LRP11: variants seen among roughly 807,000 people sequenced by gnomAD.
The protein encoded by LRP11 is LDL receptor related protein 11, also known as low-density lipoprotein receptor-related protein 11.
In LRP11, 25 loss-of-function variants were observed where a neutral mutation model predicts 43.1. The ratio of observed to expected loss-of-function variants is 0.58; its 90% CI spans 0.42 to 0.81. The LOEUF (loss-of-function observed/expected upper bound fraction) is 0.81, where lower values mean the gene tolerates loss of function less well. Ranked by LOEUF, LRP11 falls within the 30% of genes least tolerant of loss-of-function variation. The pLI is 0.00. For synonymous variants in LRP11, 316 were observed against 299.4 expected (o/e 1.06, Z -0.57); for missense variants, 623 against 665.1 (o/e 0.94, Z 0.70).
intron 1 of LRP11, among the ~76,000 whole-genome samples, chr6:149,861,560 C>A (rs1776895478): frequency 6.6e-6 from 1 of 152,228 alleles, no homozygotes; most frequent in Admixed American, 6.5e-5. Context: ...GTTGCCCAGG[C>A]TGGAGTGCAG....
At chr6:149,862,581 T>C (rs1186233701) in intron 1 of LRP11, among the ~76,000 whole-genome samples, 2 of 146,852 alleles carry the variant, frequency 1.4e-5, no homozygotes, top group Non-Finnish European at 3.0e-5. Flanking sequence ...CTTTTCCTTT[T>C]TTTTTTTTTT....
intron 5 of LRP11, among the ~76,000 whole-genome samples, chr6:149,828,936 AT>A (rs903190277): frequency 1.1e-4 from 16 of 152,242 alleles, no homozygotes; most frequent in South Asian, 2.1e-4. Flanking sequence ...ATAATGCCTG[AT>A]TTTTTCAAAT....
At chr6:149,853,253 G>T in intron 1 of LRP11, 93 bp from the exon 2 acceptor site, 1 of 923,164 alleles carries the variant, frequency 1.1e-6, no homozygotes, top group Non-Finnish European at 1.6e-6. Flanking sequence ...ATATGATTCG[G>T]CAAATAACTG....
chr6:149,849,909 A>T (rs1180713671), intron 2 of LRP11, among the ~76,000 whole-genome samples: 3 of 152,188 alleles, frequency 2.0e-5, no homozygotes, highest in Admixed American at 2.0e-4. Context: ...TGTCTGGGTC[A>T]CTTGGACATG....
chr6:149,857,568 T>C (rs914005208), intron 1 of LRP11, among the ~76,000 whole-genome samples: 7 of 151,496 alleles, frequency 4.6e-5, no homozygotes, highest in African/African-American at 1.7e-4. Flanking sequence ...AATAAGCCCC[T>C]TTCTTGCCTG....
intron 6 of LRP11, among the ~76,000 whole-genome samples, chr6:149,825,609 A>T (rs529708517): frequency 6.6e-6 from 1 of 152,156 alleles, no homozygotes; most frequent in South Asian, 2.1e-4. Flanking sequence ...AGATCCAGAG[A>T]GATAAGATAG....
intron 1 of LRP11, among the ~76,000 whole-genome samples, chr6:149,859,376 T>TGA: frequency 4.6e-5 from 4 of 86,850 alleles, no homozygotes; most frequent in Admixed American, 1.4e-4. Flanking sequence ...TCTTGCTGAC[T>TGA]CATATATATA....
chr6:149,837,240 G>T, intron 4 of LRP11, 98 bp downstream of exon 4: 2 of 1,326,644 alleles, frequency 1.5e-6, no homozygotes, highest in Non-Finnish European at 1.0e-6. Flanking sequence ...AAATCAAGCA[G>T]GGGAAGGACA....
At chr6:149,839,328 C>T (rs1303265247) in intron 3 of LRP11, among the ~76,000 whole-genome samples, 3 of 152,040 alleles carry the variant, frequency 2.0e-5, no homozygotes, top group African/African-American at 4.8e-5. Context: ...GATAGAAGCT[C>T]CTGCGGAAGA....
At chr6:149,841,928 A>T (rs1056330653) in intron 3 of LRP11, among the ~76,000 whole-genome samples, 7 of 152,162 alleles carry the variant, frequency 4.6e-5, no homozygotes, top group African/African-American at 1.7e-4. Context: ...CAAAAAAAAA[A>T]TGTAGATGTT....
At chr6:149,837,837 G>A (rs541834785) in intron 3 of LRP11, among the ~76,000 whole-genome samples, 13 of 152,228 alleles carry the variant, frequency 8.5e-5, no homozygotes, top group Admixed American at 2.6e-4. Context: ...TCTGGCTGTC[G>A]ATTGCTCTGC....
chr6:149,829,548 G>A (rs993382752), intron 5 of LRP11, among the ~76,000 whole-genome samples: 3 of 151,216 alleles, frequency 2.0e-5, no homozygotes, highest in Admixed American at 1.3e-4. Context: ...GTAAGAGAAC[G>A]AGACTCCATC....
At chr6:149,849,324 T>G (rs1776685469) in intron 2 of LRP11, among the ~76,000 whole-genome samples, 1 of 152,190 alleles carries the variant, frequency 6.6e-6, no homozygotes, top group Non-Finnish European at 1.5e-5. Flanking sequence ...GAAAAATATG[T>G]GTCATCTTGC....
Position 149,827,236 on chromosome 6 carries a change from G to A in LRP11, c.1253-877C>T, listed in dbSNP as rs190517907. Reference sequence around the variant, plus strand: ...CAAAGTGCTGGGATGACAGGCGTGAGCCACCATGCCCAGCCTTAAGTGGGA... The same window carrying A: ...CAAAGTGCTGGGATGACAGGCGTGAACCACCATGCCCAGCCTTAAGTGGGA... On this transcript the variant is annotated intron_variant, in intron 5 of 6. Transcript: ENST00000239367. This position sits in a 1 kb window ranked among gnomAD's most constrained non-coding sequence, Gnocchi z 4.2. 0.015 allele frequency among the ~76,000 whole-genome samples: 2,332 copies of A among 152,266 alleles called. 69 individuals are homozygous for A. Among genetic ancestry groups the A allele is most frequent in the African/African-American group, 0.053 (2,200 of 41,534 alleles).
chr6:149,863,413 C>A lies in LRP11; in HGVS notation c.608G>T (p.Arg203Leu). 1 of 1,330,092 alleles carries A rather than the reference C, an allele frequency of 7.5e-7. No homozygotes were observed. The highest frequency in any genetic ancestry group is 9.5e-7 in the Non-Finnish European group (1 of 1,048,360). 82.4% of individuals were successfully genotyped at this position (1,330,092 alleles called of 1,614,324 possible). A position where few individuals can be genotyped will look rare whatever the true frequency, so the allele number is the denominator to read the frequency against. Residue 203 changes from arginine (R) to leucine (L), a missense_variant, in exon 1 of 7, where the codon CGG becomes CTG. By Grantham distance (102) the Arg-to-Leu change is moderately radical (BLOSUM62 -2). Coordinates refer to ENST00000239367, the MANE Select transcript of LRP11 (RefSeq NM_032832.6). ...AALATARASP[R>L]QEKDAPPLSK... is the part of the protein sequence containing the mutation. ...CCCCTCAGTCGCGCGCTTACCCTGC[C>A]GGGGCGAGGCGCGCGCGGTGGCCAG...
intron 3 of LRP11, chr6:149,842,709 G>A: frequency 6.5e-7 from 1 of 1,547,776 alleles, no homozygotes; most frequent in South Asian, 1.2e-5. Flanking sequence ...GAATAGCCAA[G>A]CAATTGTCTT....
At chr6:149,852,976 T>A (rs765554771) in intron 2 of LRP11, 27 bp downstream of exon 2, 1 of 1,553,956 alleles carries the variant, frequency 6.4e-7, no homozygotes, top group Non-Finnish European at 8.7e-7. Context: ...AATACTCGTT[T>A]TTGTTAGCAG....
At chr6:149,846,415 C>T (rs886167776) in intron 2 of LRP11, among the ~76,000 whole-genome samples, 2 of 152,170 alleles carry the variant, frequency 1.3e-5, no homozygotes, top group Non-Finnish European at 2.9e-5. Flanking sequence ...TAAGGTGACA[C>T]AAGAAAGCTG....
intron 1 of LRP11, among the ~76,000 whole-genome samples, chr6:149,861,952 G>C (rs1246580893): frequency 6.6e-6 from 1 of 152,254 alleles, no homozygotes; most frequent in African/African-American, 2.4e-5. Context: ...CAGGTAAGTA[G>C]TGAGAACACA....
Sources: allele counts gnomAD v4.1 joint callset (sites outside exome capture counted in the v4.1 genomes callset), GRCh38; gene constraint gnomAD v4.1.1; non-coding constraint Gnocchi (gnomAD v3.1); transcripts MANE v1.5; gene names NCBI Gene and HGNC (gene_info 2026-07-23, HGNC 2026-07-21).